The following ZFR2 variants were observed in gnomAD, a reference collection of about 807,000 sequenced individuals.
ZFR2 encodes zinc finger RNA binding protein 2, also known as zinc finger RNA-binding protein 2.
Under a neutral mutation model 105.7 loss-of-function variants are expected in ZFR2, and 104 were observed. That is an observed-to-expected ratio of 0.98 (90% CI 0.84 to 1.16). The LOEUF (loss-of-function observed/expected upper bound fraction) is 1.16. ZFR2 is among the 50% of genes most tolerant of loss of function. The pLI, the probability that ZFR2 is intolerant of heterozygous loss-of-function variation, is 0.00. For synonymous variants in ZFR2, 634 were observed against 597.7 expected, an observed-to-expected ratio of 1.06 and a Z score of -0.89; for missense variants, 1,425 against 1,355.5, an observed-to-expected ratio of 1.05 and a Z score of -0.80.
Position 3,853,269 on chromosome 19 carries a change from C to T in ZFR2, c.53+15696G>A, listed in dbSNP as rs542016101. On this transcript the variant is annotated intron_variant, in intron 1 of 18. Coordinates refer to ENST00000262961, the MANE Select transcript of ZFR2 (RefSeq NM_015174.2). ...AGGCCCACAGCCCTCCCCGGGTTCC[C>T]AGCGTGGGCGGTCACGCTGACTCCC... Among the ~76,000 whole-genome samples the T allele has an allele frequency of 2.9e-3, 440 of 152,278 alleles. 2 individuals are homozygous for T. Among genetic ancestry groups the T allele is most frequent in the African/African-American group, 0.01 (425 of 41,564 alleles).
intron 1 of ZFR2, among the ~76,000 whole-genome samples, chr19:3,855,761 G>A (rs2038291384): frequency 6.6e-6 from 1 of 152,120 alleles, no homozygotes; most frequent in Non-Finnish European, 1.5e-5. Flanking sequence ...TTTGAGCAGA[G>A]GGAATTGCAT....
At chr19:3,835,103 C>G in intron 1 of ZFR2, 120 bp from the exon 2 acceptor site, 1 of 1,153,670 alleles carries the variant, frequency 8.7e-7, no homozygotes, top group Non-Finnish European at 1.3e-6. Context: ...GGTGGAGACC[C>G]TCCTAGGAGC....
intron 5 of ZFR2, among the ~76,000 whole-genome samples, chr19:3,829,712 C>T (rs1364696615): frequency 6.6e-6 from 1 of 152,020 alleles, no homozygotes; most frequent in Non-Finnish European, 1.5e-5. Context: ...AGGGTTTCAC[C>T]CATGTTGCCC....
chr19:3,832,261 C>A (rs2038025235), intron 3 of ZFR2, among the ~76,000 whole-genome samples: 1 of 152,068 alleles, frequency 6.6e-6, no homozygotes, highest in Non-Finnish European at 1.5e-5. Context: ...GATCCCAGGG[C>A]CCATCTGAGC....
At chr19:3,817,579 A>AATG (rs1388038809) in intron 12 of ZFR2, among the ~76,000 whole-genome samples, 1 of 131,814 alleles carries the variant, frequency 7.6e-6, no homozygotes, top group Non-Finnish European at 1.6e-5. Context: ...TAATAATAAT[A>AATG]ATAATAATAA....
At chr19:3,816,243 C>CTTTT (rs58609703) in intron 13 of ZFR2, among the ~76,000 whole-genome samples, 11 of 115,070 alleles carry the variant, frequency 9.6e-5, no homozygotes, top group African/African-American at 2.7e-4. Flanking sequence ...CTTCTTGTAT[C>CTTTT]TTTTTTTTTT....
chr19:3,810,914 G>C (rs1020499690), intron 15 of ZFR2, 69 bp from the exon 16 acceptor site: 1 of 1,502,096 alleles, frequency 6.7e-7, no homozygotes, highest in African/African-American at 1.4e-5. Context: ...GCCGGGCTCT[G>C]TCGTGAGCGT....
rs528957292 is a variant in ZFR2 at position 3,869,020 on chromosome 19, T to G, written c.-3A>C. 1 of 1,365,430 alleles carries G rather than the reference T, an allele frequency of 7.3e-7. No individual in the cohort carries two copies. Among genetic ancestry groups the G allele is most frequent in the East Asian group, 3.1e-5 (1 of 32,092 alleles). 84.6% of individuals were successfully genotyped at this position (1,365,430 alleles called of 1,614,324 possible). On this transcript the variant is annotated 5_prime_UTR_variant, in exon 1 of 19. Coordinates refer to ENST00000262961, the MANE Select transcript of ZFR2 (RefSeq NM_015174.2). The stretch of plus-strand genomic sequence containing the variant: ...TCGAAATACTGACTCGTCGCCATCT[T>G]GGCGTCTTCCCCGAGCCTGGCGGAC...
chr19:3,819,767 G>A (rs942263501), intron 11 of ZFR2, among the ~76,000 whole-genome samples: 13 of 151,940 alleles, frequency 8.6e-5, no homozygotes, highest in African/African-American at 2.7e-4. Flanking sequence ...CATGAGAATC[G>A]CTTAAACCCT....
intron 1 of ZFR2, among the ~76,000 whole-genome samples, chr19:3,839,276 T>C (rs2038110326): frequency 6.6e-6 from 1 of 152,068 alleles, no homozygotes; most frequent in African/African-American, 2.4e-5. Flanking sequence ...CTCACACCTG[T>C]CATCCCAGTA....
In ZFR2 at chr19:3,823,483, T is replaced by C; in HGVS notation, c.1214-80A>G. On this transcript the variant is annotated intron_variant, in intron 7 of 18. Transcript: ENST00000262961. The surrounding 1 kb of genome is among the most constrained non-coding windows in gnomAD (Gnocchi z 5.4). ...TGCAGACCCGCCAGGCGGCATGGGG[T>C]GGAGAGCCACCCAGACTGCAGGCTG... is the stretch of plus-strand genomic sequence containing the variant. 6.9e-7 allele frequency: 1 copy of C among 1,442,856 alleles called. No individual in the cohort carries two copies. Among genetic ancestry groups the C allele is most frequent in the Non-Finnish European group, 9.3e-7 (1 of 1,078,382 alleles). The allele number at this position is 1,442,856 out of a possible 1,614,324, so 89.4% of individuals were successfully genotyped here.
intron 1 of ZFR2, among the ~76,000 whole-genome samples, chr19:3,866,249 T>C (rs1395759134): frequency 6.6e-6 from 1 of 152,214 alleles, no homozygotes; most frequent in Non-Finnish European, 1.5e-5. Flanking sequence ...TATCATCTTG[T>C]TTCAAGGTTT....
chr19:3,816,816 T>C lies in ZFR2; in HGVS notation c.1961A>G (p.Lys654Arg), dbSNP rs764735120. 2 of 1,578,370 alleles carry C rather than the reference T, an allele frequency of 1.3e-6. No individual in the cohort carries two copies. The highest frequency in any genetic ancestry group is 2.7e-5 in the African/African-American group (2 of 74,254). Residue 654 changes from lysine to arginine, a missense_variant, in exon 13 of 19, where the codon AAA becomes AGA. Lys to Arg is a conservative substitution (Grantham distance 26). Transcript: ENST00000262961. ...SSVAPQTRVL[K>R]GVMRVGILAK... ...CAGGATGCCTACTCGCATGACGCCT[T>C]TCAGGACCCGAGTCTGGGGGGCAAC...
At chr19:3,806,159 C>G in intron 18 of ZFR2, 34 bp from the exon 19 acceptor site, 1 of 1,401,016 alleles carries the variant, frequency 7.1e-7, no homozygotes, top group Non-Finnish European at 9.3e-7. Flanking sequence ...AGGACCCCCG[C>G]CCGCTCTGCT....
chr19:3,835,038 G>A (rs1436235903), intron 1 of ZFR2, 55 bp from the exon 2 acceptor site: 2 of 1,539,580 alleles, frequency 1.3e-6, no homozygotes, highest in African/African-American at 1.4e-5. Flanking sequence ...GTTCTCAGGT[G>A]CACTGAGTTG....
At chr19:3,835,878 A>G (rs2038073018) in intron 1 of ZFR2, among the ~76,000 whole-genome samples, 1 of 152,054 alleles carries the variant, frequency 6.6e-6, no homozygotes, top group Non-Finnish European at 1.5e-5. Context: ...GCTTGAGCCC[A>G]GGAAGTAGAG....
Position 3,813,875 on chromosome 19 carries a change from C to G in ZFR2, c.2187G>C (p.Gln729His), listed in dbSNP as rs754603784. 6.8e-6 allele frequency: 11 copies of G among 1,613,788 alleles called. No homozygotes were observed. The highest frequency in any genetic ancestry group is 8.5e-6 in the Non-Finnish European group (10 of 1,179,878). ...GAGGTGAGGTGACAGATATGGTGAC[C>G]TGCATCCTGGGCTCCTCACAGGAGG... ...VISSCEEPRM[Q>H]VTISVTSPLM... Residue 729 changes from glutamine (Q) to histidine (H), a missense_variant, in exon 14 of 19, where the codon CAG becomes CAC. Coordinates refer to ENST00000262961, the MANE Select transcript of ZFR2 (RefSeq NM_015174.2). The surrounding 1 kb of genome is among the most constrained non-coding windows in gnomAD (Gnocchi z 4.4).
In ZFR2 at chr19:3,823,096, T is replaced by G; in HGVS notation, c.1371+150A>C. On this transcript the variant is annotated intron_variant, in intron 8 of 18. Transcript: ENST00000262961. This position sits in a 1 kb window ranked among gnomAD's most constrained non-coding sequence, Gnocchi z 5.4. The stretch of plus-strand genomic sequence containing the variant: ...AAGTGTCAAGCGGGTCTGCACGGGG[T>G]TTTGGTCCATGGAGGTCTGGCCTGT... 1 of 1,091,378 alleles carries G rather than the reference T, an allele frequency of 9.2e-7. No homozygotes were observed. Among genetic ancestry groups the G allele is most frequent in the Non-Finnish European group, 1.3e-6 (1 of 755,256 alleles). The allele number at this position is 1,091,378 out of a possible 1,614,324, so 67.6% of individuals were successfully genotyped here. A position where few individuals can be genotyped will look rare whatever the true frequency, so the allele number is the denominator to read the frequency against.
intron 1 of ZFR2, among the ~76,000 whole-genome samples, chr19:3,860,886 C>T (rs1241521939): frequency 1.3e-5 from 2 of 152,120 alleles, no homozygotes; most frequent in East Asian, 1.9e-4. Context: ...ATGAGCCGCT[C>T]GTGTCAAGGG....
Sources: allele counts gnomAD v4.1 joint callset (sites outside exome capture counted in the v4.1 genomes callset), GRCh38; gene constraint gnomAD v4.1.1; non-coding constraint Gnocchi (gnomAD v3.1); transcripts MANE v1.5; gene names NCBI Gene and HGNC (gene_info 2026-07-23, HGNC 2026-07-21).